NELL1: variants seen among roughly 807,000 people sequenced by gnomAD.
The protein encoded by NELL1 is neural EGFL like 1.
In NELL1, 76 loss-of-function variants were observed where a neutral mutation model predicts 107.4. The ratio of observed to expected loss-of-function variants is 0.71; its 90% CI spans 0.59 to 0.86. NELL1 has a LOEUF of 0.86. Ranked by LOEUF, NELL1 falls within the 40% of genes least tolerant of loss-of-function variation. NELL1 has a pLI of 0.00. For synonymous variants in NELL1, 353 were observed against 341.2 expected (o/e 1.03, Z -0.38); for missense variants, 1,024 against 1,005.5 (o/e 1.02, Z -0.25).
intron 4 of NELL1, among the ~76,000 whole-genome samples, chr11:20,857,869 C>A (rs538198413): frequency 6.6e-6 from 1 of 152,242 alleles, no homozygotes; most frequent in Admixed American, 6.5e-5. Context: ...TATAGCGGTG[C>A]ATGGAGCACT....
intron 9 of NELL1, 33 bp from the exon 10 acceptor site, chr11:20,937,753 G>T (rs1479691066): frequency 6.4e-7 from 1 of 1,553,404 alleles, no homozygotes; most frequent in South Asian, 1.1e-5. Context: ...GGCACAGCAG[G>T]ACTGTCTGAC....
At chr11:20,834,658 AC>A (rs1452054756) in intron 3 of NELL1, among the ~76,000 whole-genome samples, 1 of 151,412 alleles carries the variant, frequency 6.6e-6, no homozygotes, top group African/African-American at 2.4e-5. Context: ...AGCTGAGATC[AC>A]GCCACTGAAC....
At chr11:20,974,753 T>C (rs186832829) in intron 12 of NELL1, among the ~76,000 whole-genome samples, 177 of 152,248 alleles carry the variant, frequency 1.2e-3, no homozygotes, top group Non-Finnish European at 2.2e-3. Flanking sequence ...GTGATTTCTC[T>C]TACACTGAAG....
chr11:20,690,600 T>C (rs539551697), intron 2 of NELL1, among the ~76,000 whole-genome samples: 141 of 146,124 alleles, frequency 9.6e-4, no homozygotes, highest in Middle Eastern at 3.5e-3. Flanking sequence ...TGTAGATATG[T>C]GGCGTTCTTT....
At chr11:21,089,332 C>T (rs916684686) in intron 12 of NELL1, among the ~76,000 whole-genome samples, 1 of 152,092 alleles carries the variant, frequency 6.6e-6, no homozygotes, top group African/African-American at 2.4e-5. Flanking sequence ...AAGTGCTAAT[C>T]CCTTGAAATT....
intron 2 of NELL1, among the ~76,000 whole-genome samples, chr11:20,773,121 C>G (rs1012534854): frequency 3.9e-5 from 6 of 152,162 alleles, no homozygotes; most frequent in African/African-American, 1.4e-4. Context: ...CCCTGGCTGG[C>G]AACCCCTGCT....
chr11:21,481,707 A>G lies in NELL1; in HGVS notation c.1646-52667A>G, dbSNP rs144781582. 3.5e-3 allele frequency among the ~76,000 whole-genome samples: 528 copies of G among 152,292 alleles called. 3 individuals carry two copies. Among genetic ancestry groups the G allele is most frequent in the African/African-American group, 0.012 (491 of 41,562 alleles). ...TGCTGTGCCTCGTGGACTTTAGGCA[A>G]TTTCACAGCATCTGCTGCTGACTGT... On this transcript the variant is annotated intron_variant, in intron 15 of 19. Transcript: ENST00000357134.
intron 3 of NELL1, among the ~76,000 whole-genome samples, chr11:20,841,290 T>C (rs1848617667): frequency 6.6e-6 from 1 of 151,012 alleles, no homozygotes; most frequent in African/African-American, 2.4e-5. Flanking sequence ...TGTTTTGGCC[T>C]GGACATAATA....
intron 16 of NELL1, among the ~76,000 whole-genome samples, chr11:21,541,671 T>C (rs925779057): frequency 1.3e-5 from 2 of 152,098 alleles, no homozygotes; most frequent in Non-Finnish European, 2.9e-5. Context: ...ACATTAAGCC[T>C]AGATTCAGTC....
intron 15 of NELL1, among the ~76,000 whole-genome samples, chr11:21,399,590 C>T (rs1212910418): frequency 3.3e-5 from 5 of 151,668 alleles, no homozygotes; most frequent in Non-Finnish European, 7.4e-5. Context: ...GATTTAAGTG[C>T]TTTCACATGT....
intron 5 of NELL1, among the ~76,000 whole-genome samples, chr11:20,891,913 G>C (rs918241726): frequency 6.6e-6 from 1 of 152,074 alleles, no homozygotes; most frequent in African/African-American, 2.4e-5. Flanking sequence ...CATAATAATA[G>C]TGAGAGACTT....
chr11:20,762,643 C>A (rs546620851), intron 2 of NELL1, among the ~76,000 whole-genome samples: 1 of 152,106 alleles, frequency 6.6e-6, no homozygotes, highest in African/African-American at 2.4e-5. Context: ...AGACTCCATG[C>A]GTATGGTGAA....
intron 14 of NELL1, among the ~76,000 whole-genome samples, chr11:21,361,824 T>G (rs964123523): frequency 6.6e-6 from 1 of 152,160 alleles, no homozygotes; most frequent in Non-Finnish European, 1.5e-5. Context: ...TTCCTTTCAT[T>G]TCTAGAAGTT....
chr11:21,219,061 T>G (rs770580317), intron 13 of NELL1, among the ~76,000 whole-genome samples: 25 of 152,176 alleles, frequency 1.6e-4, no homozygotes, highest in Non-Finnish European at 2.8e-4. Context: ...ACACCCATAC[T>G]GTTTTTGATA....
chr11:21,427,971 C>T (rs1272845305), intron 15 of NELL1, among the ~76,000 whole-genome samples: 1 of 152,202 alleles, frequency 6.6e-6, no homozygotes, highest in Non-Finnish European at 1.5e-5. Context: ...GCAGGTTTCA[C>T]TGATGAGTCT....
At chr11:21,276,097 G>C (rs1848850800) in intron 14 of NELL1, among the ~76,000 whole-genome samples, 1 of 152,188 alleles carries the variant, frequency 6.6e-6, no homozygotes, top group Non-Finnish European at 1.5e-5. Context: ...ATTAGGAAAA[G>C]AGGAAGTCAA....
chr11:20,944,614 A>G (rs1374429519), intron 10 of NELL1, among the ~76,000 whole-genome samples: 1 of 152,224 alleles, frequency 6.6e-6, no homozygotes, highest in Non-Finnish European at 1.5e-5. Flanking sequence ...AAAATAACAT[A>G]CTATAATCAG....
intron 15 of NELL1, among the ~76,000 whole-genome samples, chr11:21,528,316 T>C (rs1347837110): frequency 6.6e-6 from 1 of 152,044 alleles, no homozygotes; most frequent in African/African-American, 2.4e-5. Context: ...TGATCTCCAG[T>C]GTGGAGTGTT....
chr11:21,507,884 G>A (rs1043802542), intron 15 of NELL1, among the ~76,000 whole-genome samples: 14 of 151,526 alleles, frequency 9.2e-5, no homozygotes, highest in Non-Finnish European at 1.8e-4. Flanking sequence ...GGGTTCCAGC[G>A]ATTCTCCTGC....
Sources: allele counts gnomAD v4.1 joint callset (sites outside exome capture counted in the v4.1 genomes callset), GRCh38; gene constraint gnomAD v4.1.1; transcripts MANE v1.5; gene names NCBI Gene and HGNC (gene_info 2026-07-23, HGNC 2026-07-21).